Variants in TULP2 observed in about 807,000 individuals in gnomAD.
The protein encoded by TULP2 is TUB like protein 2, also known as tubby-related protein 2.
Under a neutral mutation model 60.3 loss-of-function variants are expected in TULP2, and 64 were observed. That is an observed-to-expected ratio of 1.06 (90% CI 0.87 to 1.31). TULP2 has a LOEUF of 1.31. TULP2 is among the 50% of genes most tolerant of loss of function. The probability of loss-of-function intolerance (pLI) is 0.00; values close to 1 mark genes in which losing one functional copy is unlikely to be tolerated. For missense variants in TULP2, 652 were observed against 667.0 expected (o/e 0.98, Z 0.25); for synonymous variants, 267 against 265.4 (o/e 1.01, Z -0.06).
chr19:48,897,476 C>T lies in TULP2; in HGVS notation c.33-80G>A. On this transcript the variant is annotated intron_variant, in intron 2 of 12. Transcript: ENST00000221399. This position sits in a 1 kb window ranked among gnomAD's most constrained non-coding sequence, Gnocchi z 4.0. ...GAGAGTCCCTCCTTCCCCCATCCTG[C>T]CCCTATCTCAGCTTGGGTTCTGGGC... The T allele has an allele frequency of 2.7e-6, 4 of 1,468,140 alleles. No individual in the cohort carries two copies. The highest frequency in any genetic ancestry group is 3.8e-6 in the Non-Finnish European group (4 of 1,062,478). 90.9% of individuals were successfully genotyped at this position (1,468,140 alleles called of 1,614,324 possible).
intron 6 of TULP2, among the ~76,000 whole-genome samples, chr19:48,893,443 G>A (rs908345524): frequency 2.0e-5 from 3 of 152,110 alleles, no homozygotes; most frequent in African/African-American, 7.2e-5. Context: ...GATTCCATTT[G>A]TGTGAAATGT....
chr19:48,887,420 G>A (rs753222872), intron 8 of TULP2, among the ~76,000 whole-genome samples: 4 of 141,212 alleles, frequency 2.8e-5, no homozygotes, highest in Non-Finnish European at 6.0e-5. Flanking sequence ...GAACTCCCAG[G>A]CTCAAGCAAT....
intron 11 of TULP2, among the ~76,000 whole-genome samples, chr19:48,882,599 A>G (rs368717237): frequency 3.3e-5 from 5 of 152,202 alleles, no homozygotes; most frequent in Non-Finnish European, 5.9e-5. Flanking sequence ...ACTGCCGTGT[A>G]GGGTTTCCAT....
intron 6 of TULP2, among the ~76,000 whole-genome samples, chr19:48,893,326 C>A (rs572653156): frequency 6.7e-6 from 1 of 150,010 alleles, no homozygotes; most frequent in African/African-American, 2.5e-5. Context: ...GCTGAGATCG[C>A]GCCATTGCAT....
chr19:48,897,947 C>CCTTATTTATTTA lies in TULP2; in HGVS notation c.-1-90_-1-79dup. 1 of 797,650 alleles carries CCTTATTTATTTA rather than the reference C, an allele frequency of 1.3e-6. No homozygotes were observed. The highest frequency in any genetic ancestry group is 2.4e-5 in the African/African-American group (1 of 42,064). The allele number at this position is 797,650 out of a possible 1,614,324, so 49.4% of individuals were successfully genotyped here. A position where few individuals can be genotyped will look rare whatever the true frequency, so the allele number is the denominator to read the frequency against. On this transcript the variant is annotated intron_variant, in intron 1 of 12. Transcript: ENST00000221399. The surrounding 1 kb of genome is among the most constrained non-coding windows in gnomAD (Gnocchi z 4.0). Reference sequence around the variant, plus strand: ...CTGCCCACCAGCACCTAATCTTTAGCCTTATTTATTTATTTATTTATTTAT... The same window carrying CCTTATTTATTTA: ...CTGCCCACCAGCACCTAATCTTTAGCCTTATTTATTTACTTATTTATTTATTTATTTATTTAT...
chr19:48,896,627 G>A (rs1043077157), intron 3 of TULP2, 71 bp from the exon 4 acceptor site: 3 of 1,488,058 alleles, frequency 2.0e-6, no homozygotes, highest in Admixed American at 2.4e-5. Context: ...GTGGGGCCTG[G>A]GGCAAGGGCT....
At chr19:48,896,890 C>A (rs1481925645) in intron 3 of TULP2, among the ~76,000 whole-genome samples, 1 of 147,714 alleles carries the variant, frequency 6.8e-6, no homozygotes, top group Non-Finnish European at 1.5e-5. Context: ...TCCTTTCTTA[C>A]TTTTTTTTTT....
chr19:48,897,353 C>G lies in TULP2; in HGVS notation c.76G>C (p.Glu26Gln), dbSNP rs1197086158. ...ELAAMRLQKL[E>Q]QQRRLFEKKQ... is the part of the protein sequence containing the mutation. ...ATTCCTGGGCACAATACCTGCTGTT[C>G]CAGCTTCTGCAGCCTCATAGCAGCG... is the stretch of plus-strand genomic sequence containing the variant. The change falls in exon 3 of 13, where the codon GAA becomes CAA. Residue 26 changes from glutamate (E) to glutamine (Q), a missense_variant. Transcript: ENST00000221399. This position sits in a 1 kb window ranked among gnomAD's most constrained non-coding sequence, Gnocchi z 4.0. The G allele has an allele frequency of 6.2e-7, 1 of 1,613,702 alleles. No homozygotes were observed. The highest frequency in any genetic ancestry group is 1.1e-5 in the South Asian group (1 of 90,948).
intron 6 of TULP2, among the ~76,000 whole-genome samples, chr19:48,891,414 C>T (rs1290034008): frequency 2.6e-5 from 4 of 151,834 alleles, no homozygotes; most frequent in African/African-American, 7.3e-5. Context: ...GGGCGGATCA[C>T]GAGGTCAGTA....
chr19:48,881,569 G>C (rs1410483424), intron 12 of TULP2, among the ~76,000 whole-genome samples: 1 of 151,914 alleles, frequency 6.6e-6, no homozygotes, highest in Non-Finnish European at 1.5e-5. Flanking sequence ...GTTTTTAGTA[G>C]AGACGGGGTT....
intron 6 of TULP2, among the ~76,000 whole-genome samples, chr19:48,894,357 T>TA (rs927611821): frequency 2.0e-5 from 3 of 151,972 alleles, no homozygotes; most frequent in Non-Finnish European, 2.9e-5. Context: ...AACAGCTATT[T>TA]ACGGGCCAGG....
At chr19:48,895,949 C>A (rs1303519680) in intron 4 of TULP2, among the ~76,000 whole-genome samples, 1 of 152,198 alleles carries the variant, frequency 6.6e-6, no homozygotes, top group Non-Finnish European at 1.5e-5. Context: ...CAAACTGCAT[C>A]CTAAGCCTCA....
intron 6 of TULP2, among the ~76,000 whole-genome samples, chr19:48,892,639 G>A (rs1484693795): frequency 6.6e-6 from 1 of 151,756 alleles, no homozygotes; most frequent in Non-Finnish European, 1.5e-5. Context: ...GAATAGCTGG[G>A]ACTACAGGCG....
rs2037201907 is a variant in TULP2 at position 48,888,239 on chromosome 19, CTCTT to C, written c.655_658del (p.Lys219GlufsTer23). 5 of 1,593,922 alleles carry C rather than the reference CTCTT, an allele frequency of 3.1e-6. No individual in the cohort carries two copies. Among genetic ancestry groups the C allele is most frequent in the Non-Finnish European group, 4.3e-6 (5 of 1,165,794 alleles). On this transcript the variant is annotated frameshift_variant, in exon 8 of 13. Transcript: ENST00000221399. LOFTEE classifies it high-confidence loss of function. ...CGTCCCTGTAGACTCAGAGGCCTCTCTCTTCTTTTCCAAGTCTTCTTCCTAGCCC... is the reference window on the plus strand; with the variant it reads ...CGTCCCTGTAGACTCAGAGGCCTCTCCTTTTCCAAGTCTTCTTCCTAGCCC...
chr19:48,891,580 G>C lies in TULP2; in HGVS notation c.515-1949C>G, dbSNP rs56145802. Among the ~76,000 whole-genome samples the C allele has an allele frequency of 1.8e-4, 27 of 152,266 alleles. 2 individuals carry two copies. In the South Asian group the frequency reaches 5.6e-3, roughly 32 times the overall value. ...AGCCAGGCAGAGGTTGCAGTGAGCC[G>C]AGATCGTGCCACTGCGCTCCAGCCT... On this transcript the variant is annotated intron_variant, in intron 6 of 12. Transcript: ENST00000221399.
rs200945484 is a variant in TULP2 at position 48,892,518 on chromosome 19, G to A, written c.514+2480C>T. Among the ~76,000 whole-genome samples, 66 of 130,772 alleles carry A rather than the reference G, an allele frequency of 5.0e-4. 1 individual carries two copies. Among genetic ancestry groups the A allele is most frequent in the Admixed American group, 1.1e-3 (14 of 13,208 alleles). The allele number at this position is 130,772 out of a possible 152,430, so 85.8% of individuals were successfully genotyped here. On this transcript the variant is annotated intron_variant, in intron 6 of 12. Coordinates refer to ENST00000221399, the MANE Select transcript of TULP2 (RefSeq NM_003323.3). ...GAACAGTTTTTCTTTTTTTTTTTGG[G>A]GGGGGGACGGAGTCTTGCTCTGTCA...
rs749458605 is a variant in TULP2, at chr19:48,881,193, CTTT to C, written c.1448-70_1448-68del. The C allele has an allele frequency of 5.5e-3, 1,620 of 293,848 alleles. 3 individuals carry two copies. Among genetic ancestry groups the C allele is most frequent in the Non-Finnish European group, 6.9e-3 (1,199 of 174,098 alleles). The allele number at this position is 293,848 out of a possible 1,614,324, so 18.2% of individuals were successfully genotyped here. ...CATCTCCCAGCTTCGAGAACTGAGACTTTTTTTTTTTTTTTTTCTTTTTTTTTT... is the reference window on the plus strand; with the variant it reads ...CATCTCCCAGCTTCGAGAACTGAGACTTTTTTTTTTTTTTCTTTTTTTTTT... On this transcript the variant is annotated intron_variant, in intron 12 of 12. Transcript: ENST00000221399.
intron 12 of TULP2, among the ~76,000 whole-genome samples, chr19:48,881,610 C>G (rs2037133166): frequency 6.6e-6 from 1 of 151,910 alleles, no homozygotes; most frequent in African/African-American, 2.4e-5. Flanking sequence ...GTCTCAATCT[C>G]CTGACCTCGT....
chr19:48,891,096 C>T lies in TULP2; in HGVS notation c.515-1465G>A, dbSNP rs1293698966. On this transcript the variant is annotated intron_variant, in intron 6 of 12. Transcript: ENST00000221399. The stretch of plus-strand genomic sequence containing the variant: ...TTGGGAGGCCGAGGCGGGCGGATCA[C>T]GAGGTCAGGAGATCGAGACCATCCT... 1.1e-3 allele frequency among the ~76,000 whole-genome samples: 161 copies of T among 149,610 alleles called. 1 individual carries two copies. The highest frequency in any genetic ancestry group is 1.7e-3 in the Non-Finnish European group (117 of 67,580).
Sources: gnomAD v4.1 joint callset for allele counts (sites outside exome capture counted in the v4.1 genomes callset) on GRCh38, gnomAD v4.1.1 for gene constraint, Gnocchi (gnomAD v3.1) non-coding constraint, MANE v1.5 for transcripts, NCBI Gene and HGNC (gene_info 2026-07-23, HGNC 2026-07-21) for gene names.